The following KDM5A variants were observed in gnomAD, a reference collection of about 807,000 sequenced individuals.
KDM5A encodes lysine-specific demethylase 5A.
KDM5A carries 42 observed loss-of-function variants against 193.5 expected under a neutral mutation model. The ratio of observed to expected loss-of-function variants is 0.22; its 90% CI spans 0.17 to 0.28. KDM5A has a LOEUF of 0.28. KDM5A is among the 10% of genes least tolerant of loss of function. KDM5A has a pLI of 1.00. For synonymous variants in KDM5A, 796 were observed against 718.1 expected (o/e 1.11, Z -1.73); for missense variants, 1,692 against 2,055.1 (o/e 0.82, Z 3.42).
chr12:352,395 C>A (rs867712654), intron 8 of KDM5A, 71 bp from the exon 9 acceptor site: 6 of 1,392,454 alleles, frequency 4.3e-6, no homozygotes, highest in Non-Finnish European at 6.1e-6. Flanking sequence ...CTCTTAGTTA[C>A]TAAATTCTTT....
At chr12:311,291 G>A (rs1013836647) in intron 20 of KDM5A, 4 of 541,194 alleles carry the variant, frequency 7.4e-6, no homozygotes, top group African/African-American at 5.7e-5. Flanking sequence ...TATTAATTGA[G>A]AGTACCAGTA....
At chr12:326,385 T>C (rs1943783783) in intron 14 of KDM5A, among the ~76,000 whole-genome samples, 1 of 151,916 alleles carries the variant, frequency 6.6e-6, no homozygotes, top group African/African-American at 2.4e-5. Context: ...ATAACAACAA[T>C]AAACAGTCAA....
intron 26 of KDM5A, among the ~76,000 whole-genome samples, chr12:294,480 T>C (rs1192047787): frequency 1.3e-5 from 2 of 152,246 alleles, no homozygotes; most frequent in African/African-American, 2.4e-5. Context: ...AACAAGATAT[T>C]TAACCTCTTA....
chr12:352,828 G>A (rs1471482513), intron 8 of KDM5A, among the ~76,000 whole-genome samples: 1 of 152,182 alleles, frequency 6.6e-6, no homozygotes, highest in Non-Finnish European at 1.5e-5. Context: ...AACTGCCTCT[G>A]AATCTTTCAA....
chr12:363,051 T>G lies in KDM5A; in HGVS notation c.584A>C (p.Glu195Ala), dbSNP rs1372918233. The change falls in exon 5 of 28, where the codon GAG becomes GCG. Residue 195 changes from glutamate (E) to alanine (A), a missense_variant. Transcript: ENST00000399788. Reference sequence around the variant, plus strand: ...AGTTTGGGTATCAGTGCTGAGAACCTCAGGCTCCACTTTTTCTTTAAGATC... The same window carrying G: ...AGTTTGGGTATCAGTGCTGAGAACCGCAGGCTCCACTTTTTCTTTAAGATC... ...NLDLKEKVEP[E>A]VLSTDTQTSP... 1.9e-6 allele frequency: 3 copies of G among 1,614,016 alleles called. No individual in the cohort carries two copies. Among genetic ancestry groups the G allele is most frequent in the South Asian group, 2.2e-5 (2 of 91,080 alleles).
At position 307,988 on chromosome 12, in the gene KDM5A, T is replaced by C. The variant is rs1250944984; in HGVS notation, c.3396A>G (p.Glu1132=). 6.2e-7 allele frequency: 1 copy of C among 1,613,986 alleles called. No homozygotes were observed. The highest frequency in any genetic ancestry group is 8.5e-7 in the Non-Finnish European group (1 of 1,180,024). The change falls in exon 23 of 28, where the codon GAA becomes GAG. Residue 1132 remains glutamate, a synonymous_variant. Coordinates refer to ENST00000399788, the MANE Select transcript of KDM5A (RefSeq NM_001042603.3). The surrounding 1 kb of genome is among the most constrained non-coding windows in gnomAD (Gnocchi z 4.3). ...DTAMVVAVFK[E]REQKEIEAMH... ...TGGCTTCAATCTCTTTTTGCTCCCG[T>C]TCTTTGAAAACTGCCACCTGTACAA...
At chr12:353,283 C>T (rs1207869148) in intron 8 of KDM5A, among the ~76,000 whole-genome samples, 1 of 152,026 alleles carries the variant, frequency 6.6e-6, no homozygotes, top group African/African-American at 2.4e-5. Flanking sequence ...TGAGCTGAGA[C>T]CGCGCCACTG....
At chr12:335,394 T>C (rs139426037) in intron 10 of KDM5A, among the ~76,000 whole-genome samples, 1 of 152,352 alleles carries the variant, frequency 6.6e-6, no homozygotes, top group East Asian at 1.9e-4. Context: ...TCTAAGACAT[T>C]ATTTGTCTTT....
intron 22 of KDM5A, among the ~76,000 whole-genome samples, chr12:308,293 T>C (rs527961386): frequency 1.4e-4 from 21 of 152,336 alleles, no homozygotes; most frequent in African/African-American, 4.6e-4. Context: ...GCCTGGCTCT[T>C]GTACTTTTAG....
At chr12:359,120 C>G (rs1455087690) in intron 5 of KDM5A, among the ~76,000 whole-genome samples, 1 of 152,032 alleles carries the variant, frequency 6.6e-6, no homozygotes, top group African/African-American at 2.4e-5. Context: ...ACTCCCAACT[C>G]AGAACACTAG....
intron 3 of KDM5A, among the ~76,000 whole-genome samples, chr12:373,763 C>G (rs1253649164): frequency 1.3e-5 from 2 of 152,106 alleles, no homozygotes; most frequent in South Asian, 4.1e-4. Flanking sequence ...GTGTCCCAGA[C>G]ATTCTGGTAT....
chr12:284,657 GC>G lies in KDM5A; in HGVS notation c.*798del, dbSNP rs1188641528. ...TCTTCTCTTTTTTTTTTTGGCAGAA[GC>G]CTGGATCCATGTACCTGCTCTTCCC... On this transcript the variant is annotated 3_prime_UTR_variant, in exon 28 of 28. Transcript: ENST00000399788. 4.3e-6 allele frequency: 1 copy of G among 232,208 alleles called. No individual in the cohort carries two copies. The highest frequency in any genetic ancestry group is 8.5e-6 in the Non-Finnish European group (1 of 117,506). 14.4% of individuals were successfully genotyped at this position (232,208 alleles called of 1,614,324 possible).
At chr12:387,346 G>A in intron 1 of KDM5A, 1 of 246,804 alleles carries the variant, frequency 4.1e-6, no homozygotes, top group Non-Finnish European at 8.3e-6. Context: ...CATTATTTCA[G>A]CATTTTTTTA....
intron 26 of KDM5A, among the ~76,000 whole-genome samples, chr12:294,246 T>C (rs1943341147): frequency 6.6e-6 from 1 of 152,140 alleles, no homozygotes; most frequent in Admixed American, 6.5e-5. Context: ...GCCAATGTAA[T>C]AAACATTTTA....
chr12:349,626 C>T (rs1033746700), intron 10 of KDM5A, among the ~76,000 whole-genome samples: 2 of 152,168 alleles, frequency 1.3e-5, no homozygotes, highest in Admixed American at 6.5e-5. Context: ...CCACGCCCAT[C>T]CTGGATTTTA....
chr12:331,110 A>G (rs1161427174), intron 13 of KDM5A, among the ~76,000 whole-genome samples: 1 of 152,158 alleles, frequency 6.6e-6, no homozygotes, highest in African/African-American at 2.4e-5. Context: ...TAAAATGACA[A>G]GACTAGTAAA....
rs1943358643 is a variant in KDM5A, at chr12:295,483, A to G, written c.4455+90T>C. The stretch of plus-strand genomic sequence containing the variant: ...GTAGACCAGCCAGATTACTGCCCTC[A>G]GCCACCCCTTTGCCAACATTTATGA... On this transcript the variant is annotated intron_variant, in intron 26 of 27. Coordinates refer to ENST00000399788, the MANE Select transcript of KDM5A (RefSeq NM_001042603.3). 4.1e-6 allele frequency: 5 copies of G among 1,223,720 alleles called. No individual in the cohort carries two copies. The East Asian group carries it at 1.2e-4, about 29-fold the overall frequency. 75.8% of individuals were successfully genotyped at this position (1,223,720 alleles called of 1,614,324 possible).
At chr12:386,859 G>A (rs745766210) in intron 1 of KDM5A, among the ~76,000 whole-genome samples, 6 of 151,166 alleles carry the variant, frequency 4.0e-5, no homozygotes, top group African/African-American at 1.5e-4. Flanking sequence ...ATTCAATGAG[G>A]TCATGTACCA....
chr12:331,829 G>C lies in KDM5A; in HGVS notation c.1763C>G (p.Thr588Ser). Reference protein sequence around the residue: ...YNFAEAVNFCTADWLPIGRQC... With the variant: ...YNFAEAVNFCSADWLPIGRQC... ...TGCTATAGAACAGACCCAGTCAGCA[G>C]TACAGAAGTTCACAGCTTCAGCAAA... The change falls in exon 13 of 28, where the codon ACT becomes AGT. Residue 588 changes from threonine (T) to serine (S), a missense_variant. By Grantham distance (58) the Thr-to-Ser change is moderately conservative. Transcript: ENST00000399788. The C allele has an allele frequency of 6.2e-7, 1 of 1,614,032 alleles. No homozygotes were observed. Among genetic ancestry groups the C allele is most frequent in the Non-Finnish European group, 8.5e-7 (1 of 1,179,922 alleles).
Sources: gnomAD v4.1 joint callset for allele counts (sites outside exome capture counted in the v4.1 genomes callset) on GRCh38, gnomAD v4.1.1 for gene constraint, Gnocchi (gnomAD v3.1) non-coding constraint, MANE v1.5 for transcripts, NCBI Gene and HGNC (gene_info 2026-07-23, HGNC 2026-07-21) for gene names.